The following LRRC9 variants were observed in gnomAD, a reference collection of about 807,000 sequenced individuals.
The protein encoded by LRRC9 is leucine-rich repeat-containing protein 9.
Under a neutral mutation model 63.2 loss-of-function variants are expected in LRRC9, and 122 were observed. The observed-to-expected ratio is 1.93, with a 90% confidence interval of 1.67 to 2.24. LRRC9 has a LOEUF of 2.24. Among genes scored for constraint, LRRC9 ranks in the 30% most tolerant of loss-of-function variants. The probability of loss-of-function intolerance (pLI) is 0.00; values close to 1 mark genes in which losing one functional copy is unlikely to be tolerated. For missense variants in LRRC9, 1,071 were observed against 627.7 expected, an observed-to-expected ratio of 1.71 and a Z score of -7.55; for synonymous variants, 366 against 213.1, an observed-to-expected ratio of 1.72 and a Z score of -6.25.
chr14:60,034,589 A>G (rs532019581), intron 29 of LRRC9, among the ~76,000 whole-genome samples: 1 of 152,148 alleles, frequency 6.6e-6, no homozygotes, highest in South Asian at 2.1e-4. Flanking sequence ...ATGAGTGAGG[A>G]CATGTGATAT....
At chr14:59,940,309 G>A (rs1317838256) in intron 7 of LRRC9, among the ~76,000 whole-genome samples, 3 of 152,006 alleles carry the variant, frequency 2.0e-5, no homozygotes, top group Admixed American at 2.0e-4. Flanking sequence ...CAAATTCAAA[G>A]TATTTTTAAT....
intron 8 of LRRC9, among the ~76,000 whole-genome samples, chr14:59,949,344 C>T (rs1287674856): frequency 3.9e-5 from 6 of 151,964 alleles, no homozygotes; most frequent in Non-Finnish European, 5.9e-5. Flanking sequence ...TCTGTGGGAT[C>T]GGTGATGATA....
intron 23 of LRRC9, among the ~76,000 whole-genome samples, chr14:60,016,087 T>C (rs1375134179): frequency 1.3e-5 from 2 of 152,182 alleles, no homozygotes; most frequent in Non-Finnish European, 2.9e-5. Flanking sequence ...TAACACCCAG[T>C]AGAGATTATG....
intron 17 of LRRC9, 113 bp from the exon 18 acceptor site, chr14:59,997,543 T>A (rs1241399681): frequency 1.8e-6 from 1 of 562,874 alleles, no homozygotes; most frequent in East Asian, 2.9e-5. Context: ...TGTTTATGTG[T>A]CCTGTGAGGA....
chr14:60,019,258 C>T, exon 26 of LRRC9: 1 of 689,566 alleles, frequency 1.5e-6, no homozygotes, highest in Admixed American at 2.1e-5. Flanking sequence ...CAAAAACAAA[C>T]AGGTAGTATT....
intron 8 of LRRC9, among the ~76,000 whole-genome samples, chr14:59,948,434 A>T (rs1472141013): frequency 5.8e-5 from 8 of 137,104 alleles, no homozygotes; most frequent in South Asian, 4.9e-4. Flanking sequence ...TTTCTAGATA[A>T]ACAATCATGT....
intron 17 of LRRC9, among the ~76,000 whole-genome samples, chr14:59,993,908 A>G (rs1888449070): frequency 6.6e-6 from 1 of 152,168 alleles, no homozygotes; most frequent in Non-Finnish European, 1.5e-5. Flanking sequence ...GATCAACAAG[A>G]CAGAAAGTTA....
exon 16 of LRRC9, chr14:59,981,880 CAAT>C: frequency 1.4e-6 from 1 of 700,796 alleles, no homozygotes; most frequent in South Asian, 1.5e-5. Context: ...CTGTATTCAA[CAAT>C]GTTATTCTAG....
Position 59,997,758 on chromosome 14 carries a change from C to T in LRRC9, c.2314C>T (p.Leu772=), listed in dbSNP as rs999038123. 4 of 702,366 alleles carry T rather than the reference C, an allele frequency of 5.7e-6. No homozygotes were observed. In the Admixed American group the frequency reaches 8.0e-5, roughly 14 times the overall value. 43.5% of individuals were successfully genotyped at this position (702,366 alleles called of 1,614,324 possible). ...GCACTTAGACTTGAGCTGGAATCAACTGAAAAAATCTGGCAATGAAATAAA... is the reference window on the plus strand; with the variant it reads ...GCACTTAGACTTGAGCTGGAATCAATTGAAAAAATCTGGCAATGAAATAAA... The change falls in exon 18 of 32, where the codon CTG becomes TTG. Residue 772 remains leucine (L), a synonymous_variant. Transcript: ENST00000445360.
rs1457633694 is a variant in LRRC9 at position 59,923,558 on chromosome 14, A to T, written c.-34+3675A>T. On this transcript the variant is annotated intron_variant, in intron 1 of 31. Coordinates refer to ENST00000445360, the Ensembl canonical transcript of LRRC9. The surrounding 1 kb of genome is among the most constrained non-coding windows in gnomAD (Gnocchi z 4.2). ...CAAAATAATCCTAAATTTTATTTGG[A>T]AAAATAAATATGGAAGAATATCCAG... Among the ~76,000 whole-genome samples, 1 of 152,248 alleles carries T rather than the reference A, an allele frequency of 6.6e-6. No individual in the cohort carries two copies. Among genetic ancestry groups the T allele is most frequent in the Non-Finnish European group, 1.5e-5 (1 of 68,034 alleles).
chr14:59,969,301 T>G (rs1885210901), intron 12 of LRRC9: 1 of 152,228 alleles, frequency 6.6e-6, no homozygotes, highest in Non-Finnish European at 1.5e-5. Context: ...GCTTCCTTTT[T>G]GTTCCCCATT....
intron 29 of LRRC9, among the ~76,000 whole-genome samples, chr14:60,045,011 T>C (rs530109139): frequency 6.6e-6 from 1 of 151,924 alleles, no homozygotes; most frequent in Admixed American, 6.6e-5. Context: ...ATTGTCTTGC[T>C]GAATTGAAAC....
intron 1 of LRRC9, among the ~76,000 whole-genome samples, chr14:59,924,479 G>A (rs573352790): frequency 1.3e-5 from 2 of 152,002 alleles, no homozygotes; most frequent in South Asian, 2.1e-4. Flanking sequence ...AGGAATGCGC[G>A]GCATTTCCTT....
rs1160233252 is a variant in LRRC9 at position 60,053,418 on chromosome 14, CACATAT to C, written c.4131+215_4131+220del. ...ACACACACACACACACACACACACACACATATATATGTAAGTCAGGGAACATCCTTT... is the reference window on the plus strand; with the variant it reads ...ACACACACACACACACACACACACACATATGTAAGTCAGGGAACATCCTTT... On this transcript the variant is annotated intron_variant, in intron 30 of 31. Coordinates refer to ENST00000445360, the Ensembl canonical transcript of LRRC9. This position sits in a 1 kb window ranked among gnomAD's most constrained non-coding sequence, Gnocchi z 4.8. 1.6e-3 allele frequency among the ~76,000 whole-genome samples: 39 copies of C among 23,906 alleles called. No individual in the cohort carries two copies. The highest frequency in any genetic ancestry group is 0.012 in the East Asian group (11 of 904). 15.7% of individuals were successfully genotyped at this position (23,906 alleles called of 152,430 possible). A position where few individuals can be genotyped will look rare whatever the true frequency, so the allele number is the denominator to read the frequency against.
chr14:60,062,053 G>A (rs74059617), intron 31 of LRRC9: 89 of 398,430 alleles, frequency 2.2e-4, no homozygotes, highest in African/African-American at 1.0e-3. Flanking sequence ...AATAATCCTC[G>A]GAGCATCCAT....
At position 59,952,628 on chromosome 14, in the gene LRRC9, GTTGTTA is replaced by G. The variant is rs903152331; in HGVS notation, c.883-7184_883-7179del. Among the ~76,000 whole-genome samples the G allele has an allele frequency of 1.4e-4, 22 of 152,228 alleles. 1 individual carries two copies. Among genetic ancestry groups the G allele is most frequent in the Admixed American group, 6.5e-4 (10 of 15,290 alleles). Reference sequence around the variant, plus strand: ...CCTTATAGAGTACAATTTATCTGTTGTTGTTATTGTTGTTGTTGTTGCTTTTATTTT... The same window carrying G: ...CCTTATAGAGTACAATTTATCTGTTGTTGTTGTTGTTGTTGCTTTTATTTT... On this transcript the variant is annotated intron_variant, in intron 8 of 31. Coordinates refer to ENST00000445360, the Ensembl canonical transcript of LRRC9.
intron 15 of LRRC9, among the ~76,000 whole-genome samples, chr14:59,981,106 C>A (rs754468016): frequency 1.3e-5 from 2 of 151,960 alleles, no homozygotes; most frequent in Non-Finnish European, 2.9e-5. Context: ...CTATTTTATA[C>A]TCTATTTTTA....
At chr14:60,010,101 G>T (rs191414017) in intron 23 of LRRC9, among the ~76,000 whole-genome samples, 23 of 152,284 alleles carry the variant, frequency 1.5e-4, no homozygotes, top group African/African-American at 5.1e-4. Flanking sequence ...GAAAGACAGT[G>T]GTCCCCCCCT....
At chr14:59,935,023 C>T (rs1890018799) in intron 6 of LRRC9, among the ~76,000 whole-genome samples, 1 of 151,656 alleles carries the variant, frequency 6.6e-6, no homozygotes, top group East Asian at 1.9e-4. Flanking sequence ...TGGTGGCTCA[C>T]GCCTATAATC....
Sources: allele counts gnomAD v4.1 joint callset (sites outside exome capture counted in the v4.1 genomes callset), GRCh38; gene constraint gnomAD v4.1.1; non-coding constraint Gnocchi (gnomAD v3.1); transcripts MANE v1.5; gene names NCBI Gene and HGNC (gene_info 2026-07-23, HGNC 2026-07-21).